Variants in RIMBP2 observed in about 807,000 individuals in gnomAD.
The protein encoded by RIMBP2 is RIMS-binding protein 2.
In RIMBP2, 48 loss-of-function variants were observed where a neutral mutation model predicts 118.6. That is an observed-to-expected ratio of 0.40 (90% CI 0.32 to 0.51). The LOEUF is 0.51. RIMBP2 is among the 20% of genes least tolerant of loss of function. The pLI, the probability that RIMBP2 is intolerant of heterozygous loss-of-function variation, is 0.41. For synonymous variants in RIMBP2, 762 were observed against 742.9 expected (o/e 1.03, Z -0.42); for missense variants, 1,551 against 1,768.3 (o/e 0.88, Z 2.20).
intron 2 of RIMBP2, among the ~76,000 whole-genome samples, chr12:130,579,179 G>C (rs914483321): frequency 6.6e-6 from 1 of 152,134 alleles, no homozygotes; most frequent in Non-Finnish European, 1.5e-5. Flanking sequence ...TTGCAAGCCC[G>C]GCTGGTTGTG....
chr12:130,548,458 A>G (rs1460433279), intron 2 of RIMBP2, among the ~76,000 whole-genome samples: 2 of 152,206 alleles, frequency 1.3e-5, no homozygotes, highest in Non-Finnish European at 2.9e-5. Flanking sequence ...ATCAGGCTAC[A>G]AAATGTTTTC....
At chr12:130,445,853 G>A (rs2078474417) in intron 9 of RIMBP2, among the ~76,000 whole-genome samples, 1 of 152,076 alleles carries the variant, frequency 6.6e-6, no homozygotes, top group Admixed American at 6.6e-5. Flanking sequence ...AATATAATTA[G>A]TATTGCATTA....
At chr12:130,428,111 C>T (rs2076913559) in intron 15 of RIMBP2, 68 bp downstream of exon 15, 5 of 1,449,044 alleles carry the variant, frequency 3.5e-6, no homozygotes, top group South Asian at 2.9e-5. Flanking sequence ...TCACCAGCCC[C>T]AGCAAAGGGA....
At chr12:130,497,680 GT>G (rs914566133) in intron 4 of RIMBP2, among the ~76,000 whole-genome samples, 1 of 152,080 alleles carries the variant, frequency 6.6e-6, no homozygotes, top group Admixed American at 6.5e-5. Flanking sequence ...TTTTTGTTTT[GT>G]TTTTTTGCAG....
intron 7 of RIMBP2, among the ~76,000 whole-genome samples, chr12:130,455,391 G>A (rs58284655): frequency 0.013 from 1,965 of 152,302 alleles, 32 homozygotes; most frequent in African/African-American, 0.044. Flanking sequence ...CGGGAGCTCC[G>A]CACGGTGCCC....
At chr12:130,493,651 C>A (rs758326284) in intron 4 of RIMBP2, among the ~76,000 whole-genome samples, 11 of 152,050 alleles carry the variant, frequency 7.2e-5, no homozygotes, top group Non-Finnish European at 1.6e-4. Context: ...GAGTGCTGTT[C>A]TGTATGTTTT....
intron 1 of RIMBP2, among the ~76,000 whole-genome samples, chr12:130,676,143 C>CCAAT (rs1435937879): frequency 1.3e-5 from 2 of 152,228 alleles, no homozygotes; most frequent in African/African-American, 4.8e-5. Flanking sequence ...CTGTGAGCAA[C>CCAAT]CAATGCCTGC....
chr12:130,653,364 T>G (rs997600124), intron 1 of RIMBP2, among the ~76,000 whole-genome samples: 12 of 152,230 alleles, frequency 7.9e-5, no homozygotes, highest in African/African-American at 1.7e-4. Flanking sequence ...CATTAGATCT[T>G]AAATCTCCAA....
Position 130,621,917 on chromosome 12 carries a change from A to G in RIMBP2, c.-217+6405T>C, listed in dbSNP as rs2061339749. ...TTCCCGACAGGCCCAGGACAGCACT[A>G]ATGACTCGTTTGACTGTAACTGGCA... is the stretch of plus-strand genomic sequence containing the variant. On this transcript the variant is annotated intron_variant, in intron 2 of 22. Transcript: ENST00000690449. This position sits in a 1 kb window ranked among gnomAD's most constrained non-coding sequence, Gnocchi z 6.6. 6.6e-6 allele frequency among the ~76,000 whole-genome samples: 1 copy of G among 152,204 alleles called. No homozygotes were observed. Among genetic ancestry groups the G allele is most frequent in the Admixed American group, 6.5e-5 (1 of 15,284 alleles).
chr12:130,659,794 G>A (rs1428512847), intron 1 of RIMBP2, among the ~76,000 whole-genome samples: 1 of 151,770 alleles, frequency 6.6e-6, no homozygotes, highest in Non-Finnish European at 1.5e-5. Context: ...CCAACATAGT[G>A]AAACCTCATC....
intron 5 of RIMBP2, among the ~76,000 whole-genome samples, chr12:130,471,039 C>T (rs2080958391): frequency 6.6e-6 from 1 of 152,198 alleles, no homozygotes; most frequent in Non-Finnish European, 1.5e-5. Context: ...ACAGCACCTT[C>T]ATCTGCCCAA....
intron 2 of RIMBP2, among the ~76,000 whole-genome samples, chr12:130,562,634 C>T (rs2056906542): frequency 6.6e-6 from 1 of 152,222 alleles, no homozygotes; most frequent in African/African-American, 2.4e-5. Flanking sequence ...GGATCACATC[C>T]CCTATCCAGG....
At position 130,699,534 on chromosome 12, in the gene RIMBP2, C is replaced by T. The variant is rs2065740507; in HGVS notation, c.-352+16688G>A. Among the ~76,000 whole-genome samples, 4 of 132,822 alleles carry T rather than the reference C, an allele frequency of 3.0e-5. 1 individual carries two copies. In the South Asian group the frequency reaches 9.3e-4, roughly 31 times the overall value. 87.1% of individuals were successfully genotyped at this position (132,822 alleles called of 152,430 possible). On this transcript the variant is annotated intron_variant, in intron 1 of 22. Transcript: ENST00000690449. ...ATAGGTGGGAACTGAACAATGAGAA[C>T]ACATGGACACAGGAAGGGGAACATC... is the stretch of plus-strand genomic sequence containing the variant.
At chr12:130,606,584 C>A (rs1290399544) in intron 2 of RIMBP2, among the ~76,000 whole-genome samples, 1 of 152,178 alleles carries the variant, frequency 6.6e-6, no homozygotes, top group Non-Finnish European at 1.5e-5. Context: ...TTGGGATTCA[C>A]CATTTATAGC....
intron 13 of RIMBP2, 21 bp downstream of exon 13, chr12:130,436,821 A>G: frequency 7.3e-7 from 1 of 1,373,306 alleles, no homozygotes; most frequent in South Asian, 1.9e-5. Flanking sequence ...GGAGCCACCG[A>G]GGCGGGAGCC....
chr12:130,552,819 C>G (rs2055938638), intron 2 of RIMBP2, among the ~76,000 whole-genome samples: 2 of 152,164 alleles, frequency 1.3e-5, no homozygotes, highest in South Asian at 4.1e-4. Context: ...AAGAGATACC[C>G]AGGGTCATTC....
intron 2 of RIMBP2, among the ~76,000 whole-genome samples, chr12:130,573,250 T>C (rs982006818): frequency 6.6e-6 from 1 of 151,914 alleles, no homozygotes; most frequent in Non-Finnish European, 1.5e-5. Context: ...ATTTATATAT[T>C]GTAAATAACA....
At chr12:130,693,706 G>A (rs1200485857) in intron 1 of RIMBP2, among the ~76,000 whole-genome samples, 6 of 152,196 alleles carry the variant, frequency 3.9e-5, no homozygotes, top group Non-Finnish European at 8.8e-5. Flanking sequence ...CCAGATTCTG[G>A]TGCAGACTAG....
At chr12:130,677,334 G>A (rs1767898384) in intron 1 of RIMBP2, among the ~76,000 whole-genome samples, 1 of 152,090 alleles carries the variant, frequency 6.6e-6, no homozygotes. Context: ...CTTCCATTAA[G>A]GTTATCTTTA....
Sources: gnomAD v4.1 joint callset for allele counts (sites outside exome capture counted in the v4.1 genomes callset) on GRCh38, gnomAD v4.1.1 for gene constraint, Gnocchi (gnomAD v3.1) non-coding constraint, MANE v1.5 for transcripts, NCBI Gene and HGNC (gene_info 2026-07-23, HGNC 2026-07-21) for gene names.